The following SERPINB7 variants were observed in gnomAD, a reference collection of about 807,000 sequenced individuals.
The protein encoded by SERPINB7 is serpin family B member 7.
Under a neutral mutation model 37.4 loss-of-function variants are expected in SERPINB7, and 31 were observed. The observed-to-expected ratio is 0.83, with a 90% confidence interval of 0.62 to 1.12. The LOEUF (loss-of-function observed/expected upper bound fraction) is 1.12, where lower values mean the gene tolerates loss of function less well. Ranked by LOEUF, SERPINB7 falls within the 50% of genes most tolerant of loss-of-function variation. The probability of loss-of-function intolerance (pLI) is 0.00; values close to 1 mark genes in which losing one functional copy is unlikely to be tolerated. For missense variants in SERPINB7, 521 were observed against 455.3 expected, an observed-to-expected ratio of 1.14 and a Z score of -1.31; for synonymous variants, 163 against 166.1, an observed-to-expected ratio of 0.98 and a Z score of 0.14.
At chr18:63,797,383 A>G (rs2049499688) in intron 5 of SERPINB7, among the ~76,000 whole-genome samples, 1 of 152,170 alleles carries the variant, frequency 6.6e-6, no homozygotes, top group Non-Finnish European at 1.5e-5. Context: ...ATGTTTAGCC[A>G]TCACCTGTTT....
chr18:63,784,753 G>GA (rs57729355), intron 2 of SERPINB7, among the ~76,000 whole-genome samples: 4 of 151,988 alleles, frequency 2.6e-5, no homozygotes, highest in African/African-American at 7.2e-5. Context: ...AACAAATAAA[G>GA]AAAAAAACCT....
At chr18:63,754,956 G>A (rs77671453) in intron 1 of SERPINB7, among the ~76,000 whole-genome samples, 1 of 136,098 alleles carries the variant, frequency 7.3e-6, no homozygotes, top group African/African-American at 2.6e-5. Context: ...GCGGACTGCA[G>A]TGGCGCAATC....
chr18:63,777,468 A>C (rs1245243529), intron 1 of SERPINB7, among the ~76,000 whole-genome samples: 1 of 152,094 alleles, frequency 6.6e-6, no homozygotes, highest in African/African-American at 2.4e-5. Flanking sequence ...ACATTTCCAC[A>C]TGTAAGAAGT....
At chr18:63,796,208 T>C (rs2049485911) in intron 4 of SERPINB7, 58 bp from the exon 5 acceptor site, 1 of 985,138 alleles carries the variant, frequency 1.0e-6, no homozygotes, top group African/African-American at 1.6e-5. Flanking sequence ...AAAATACATT[T>C]CTTATATACT....
intron 2 of SERPINB7, among the ~76,000 whole-genome samples, chr18:63,789,008 A>G (rs1411926415): frequency 6.6e-6 from 1 of 152,228 alleles, no homozygotes; most frequent in African/African-American, 2.4e-5. Context: ...CATGATTGTA[A>G]TAAGTAGAAG....
intron 1 of SERPINB7, among the ~76,000 whole-genome samples, chr18:63,764,657 A>C (rs550103457): frequency 6.6e-6 from 1 of 152,164 alleles, no homozygotes; most frequent in Non-Finnish European, 1.5e-5. Flanking sequence ...TTGGCAAAAA[A>C]AATGGACATA....
intron 4 of SERPINB7, among the ~76,000 whole-genome samples, chr18:63,794,457 G>C (rs1447944382): frequency 6.6e-6 from 1 of 152,056 alleles, no homozygotes; most frequent in Non-Finnish European, 1.5e-5. Flanking sequence ...TTGGGAGGCC[G>C]AGGCGGGCGG....
chr18:63,766,442 C>T (rs2049181035), intron 1 of SERPINB7, among the ~76,000 whole-genome samples: 1 of 151,980 alleles, frequency 6.6e-6, no homozygotes, highest in South Asian at 2.1e-4. Flanking sequence ...ATGTATATAC[C>T]CATGGCCTAC....
At chr18:63,754,360 A>G (rs1320949471) in intron 1 of SERPINB7, among the ~76,000 whole-genome samples, 2 of 152,250 alleles carry the variant, frequency 1.3e-5, no homozygotes, top group African/African-American at 4.8e-5. Context: ...TTACAAAATG[A>G]AAACAGATTG....
intron 2 of SERPINB7, 89 bp from the exon 3 acceptor site, chr18:63,792,304 G>T: frequency 1.0e-6 from 1 of 959,624 alleles, no homozygotes. Context: ...CATTTATTGG[G>T]AAAGAATATT....
chr18:63,761,386 C>T (rs1598988787), intron 1 of SERPINB7, among the ~76,000 whole-genome samples: 1 of 152,178 alleles, frequency 6.6e-6, no homozygotes, highest in East Asian at 1.9e-4. Context: ...TTTACAGGCT[C>T]ATAGACAGAA....
intron 1 of SERPINB7, among the ~76,000 whole-genome samples, chr18:63,764,303 A>T (rs2049169270): frequency 6.6e-6 from 1 of 152,222 alleles, no homozygotes; most frequent in South Asian, 2.1e-4. Context: ...TAGCCCAATT[A>T]CTGTGTCTGG....
Position 63,798,664 on chromosome 18 carries a change from T to C in SERPINB7, c.515T>C (p.Val172Ala). 6 of 1,612,534 alleles carry C rather than the reference T, an allele frequency of 3.7e-6. No homozygotes were observed. The highest frequency in any genetic ancestry group is 5.1e-6 in the Non-Finnish European group (6 of 1,179,308). ...AGCTCATCTGCTGTAATGGTGCTGG[T>C]GAATGCTGTGTACTTCAAAGGCAAG... Reference protein sequence around the residue: ...GISSSAVMVLVNAVYFKGKWQ... With the variant: ...GISSSAVMVLANAVYFKGKWQ... The change falls in exon 6 of 8, where the codon GTG (valine) becomes GCG (alanine). Residue 172 changes from valine to alanine, a missense_variant. Transcript: ENST00000398019.
rs180813090 is a variant in SERPINB7 at position 63,798,821 on chromosome 18, T to A, written c.597+75T>A. ...CCTTTGCAGGACTGTGATAGTTACA[T>A]AGTAAACTCTAGGTTCACCGTTTTA... is the stretch of plus-strand genomic sequence containing the variant. On this transcript the variant is annotated intron_variant, in intron 6 of 7. Transcript: ENST00000398019. The A allele has an allele frequency of 7.7e-6, 11 of 1,437,660 alleles. No homozygotes were observed. In the African/African-American group the frequency reaches 1.6e-4, roughly 20 times the overall value. 89.1% of individuals were successfully genotyped at this position (1,437,660 alleles called of 1,614,324 possible).
intron 2 of SERPINB7, among the ~76,000 whole-genome samples, chr18:63,786,851 A>G (rs2049378620): frequency 6.6e-6 from 1 of 152,232 alleles, no homozygotes; most frequent in African/African-American, 2.4e-5. Flanking sequence ...ATTGTGATAA[A>G]CAAGCCCTTT....
At chr18:63,782,696 AG>A (rs922295046) in intron 2 of SERPINB7, among the ~76,000 whole-genome samples, 156 bp downstream of exon 2, 8 of 152,224 alleles carry the variant, frequency 5.3e-5, no homozygotes, top group African/African-American at 1.9e-4. Context: ...GTGTGAAGAA[AG>A]CACACAGCTT....
chr18:63,791,010 C>G (rs2049421178), intron 2 of SERPINB7, among the ~76,000 whole-genome samples: 1 of 152,108 alleles, frequency 6.6e-6, no homozygotes, highest in East Asian at 1.9e-4. Flanking sequence ...AAGCTGGAAA[C>G]CATCATTCTC....
intron 1 of SERPINB7, among the ~76,000 whole-genome samples, chr18:63,767,709 T>C (rs1047766557): frequency 1.2e-4 from 19 of 152,186 alleles, no homozygotes; most frequent in African/African-American, 4.6e-4. Flanking sequence ...GAAACTGTTA[T>C]TTCTCATTTT....
chr18:63,789,269 C>G (rs930245268), intron 2 of SERPINB7, among the ~76,000 whole-genome samples: 1 of 152,154 alleles, frequency 6.6e-6, no homozygotes, highest in Admixed American at 6.5e-5. Flanking sequence ...TAAGTTCAAG[C>G]TGGCCACTGC....
Sources: gnomAD v4.1 joint callset for allele counts (sites outside exome capture counted in the v4.1 genomes callset) on GRCh38, gnomAD v4.1.1 for gene constraint, MANE v1.5 for transcripts, NCBI Gene and HGNC (gene_info 2026-07-23, HGNC 2026-07-21) for gene names.